KCNIP4: variants seen among roughly 807,000 people sequenced by gnomAD.
KCNIP4 encodes the protein potassium voltage-gated channel interacting protein 4, also known as Kv channel-interacting protein 4.
In KCNIP4, 12 loss-of-function variants were observed where a neutral mutation model predicts 34.0. The observed-to-expected ratio is 0.35, with a 90% CI of 0.23 to 0.57. The LOEUF (loss-of-function observed/expected upper bound fraction) is 0.57, where lower values mean the gene tolerates loss of function less well. KCNIP4 is among the 20% of genes least tolerant of loss of function. The pLI, the probability that KCNIP4 is intolerant of heterozygous loss-of-function variation, is 0.83. For missense variants in KCNIP4, 238 were observed against 311.7 expected (o/e 0.76, Z 1.78); for synonymous variants, 124 against 102.2 (o/e 1.21, Z -1.29).
intron 1 of KCNIP4, among the ~76,000 whole-genome samples, chr4:21,631,612 TA>T (rs1485315745): frequency 6.6e-6 from 1 of 152,154 alleles, no homozygotes; most frequent in African/African-American, 2.4e-5. Flanking sequence ...CTCCACGGTA[TA>T]AAAACCCTCT....
intron 1 of KCNIP4, among the ~76,000 whole-genome samples, chr4:21,553,703 A>G (rs1423635978): frequency 7.2e-6 from 1 of 138,284 alleles, no homozygotes; most frequent in East Asian, 2.4e-4. Context: ...GGTTGTTAGC[A>G]TAGTTAAAGG....
At chr4:21,701,250 G>A (rs1324047314) in intron 1 of KCNIP4, among the ~76,000 whole-genome samples, 4 of 152,192 alleles carry the variant, frequency 2.6e-5, no homozygotes, top group East Asian at 3.8e-4. Flanking sequence ...ACCAGAGGAT[G>A]AGAGGGAAGG....
At chr4:20,767,107 C>T (rs975926770) in intron 3 of KCNIP4, 7 of 152,158 alleles carry the variant, frequency 4.6e-5, no homozygotes, top group African/African-American at 1.4e-4. Flanking sequence ...AACTCCATCA[C>T]GCAATGAGTC....
At chr4:21,751,677 G>A (rs1342073030) in intron 1 of KCNIP4, among the ~76,000 whole-genome samples, 4 of 151,684 alleles carry the variant, frequency 2.6e-5, no homozygotes, top group African/African-American at 9.7e-5. Flanking sequence ...AGAGACATTT[G>A]TGCCTGCCAG....
intron 1 of KCNIP4, among the ~76,000 whole-genome samples, chr4:21,010,012 T>C (rs1240021779): frequency 1.3e-5 from 2 of 152,198 alleles, no homozygotes; most frequent in Non-Finnish European, 2.9e-5. Flanking sequence ...TGATGGCCAG[T>C]TTAGTCCCTG....
At position 21,750,137 on chromosome 4, in the gene KCNIP4, C is replaced by A. The variant is rs568191400; in HGVS notation, c.61+198434G>T. 1.8e-4 allele frequency among the ~76,000 whole-genome samples: 28 copies of A among 152,234 alleles called. No individual in the cohort carries two copies. The South Asian group carries it at 5.8e-3, about 32-fold the overall frequency. The stretch of plus-strand genomic sequence containing the variant: ...ATCCTCCTTTTGTCCTGGGTTTCCA[C>A]ATTGTAGACGCTGCCTGCCCATGAA... On this transcript the variant is annotated intron_variant, in intron 1 of 8. Coordinates refer to ENST00000382152, the MANE Select transcript of KCNIP4 (RefSeq NM_025221.6).
At position 20,730,142 on chromosome 4, in the gene KCNIP4, A is replaced by G. The variant is rs1747623140; in HGVS notation, c.706-13T>C. On this transcript the variant is annotated splice_polypyrimidine_tract_variant and intron_variant, in intron 8 of 8. Coordinates refer to ENST00000382152, the MANE Select transcript of KCNIP4 (RefSeq NM_025221.6). Reference sequence around the variant, plus strand: ...TTATGTTTTCATCCTGTAAGGGAGAAACACAGAGCGATTAAATTCAGCATA... The same window carrying G: ...TTATGTTTTCATCCTGTAAGGGAGAGACACAGAGCGATTAAATTCAGCATA... 1 of 1,598,614 alleles carries G rather than the reference A, an allele frequency of 6.3e-7. No homozygotes were observed. Among genetic ancestry groups the G allele is most frequent in the Admixed American group, 1.8e-5 (1 of 56,638 alleles).
At chr4:21,538,011 C>CAAAAAAAAAAAAAAAAAAAAA (rs71191517) in intron 1 of KCNIP4, among the ~76,000 whole-genome samples, 1 of 51,240 alleles carries the variant, frequency 2.0e-5, no homozygotes, top group African/African-American at 7.6e-5. Context: ...GATTCCGTCT[C>CAAAAAAAAAAAAAAAAAAAAA]AAAAAAAAAA....
chr4:21,073,219 CT>C (rs1745143517), intron 1 of KCNIP4, among the ~76,000 whole-genome samples: 1 of 152,104 alleles, frequency 6.6e-6, no homozygotes, highest in Non-Finnish European at 1.5e-5. Flanking sequence ...GGCATTGAAT[CT>C]ATAAATTACC....
intron 1 of KCNIP4, among the ~76,000 whole-genome samples, chr4:20,916,806 T>C (rs1728856765): frequency 6.6e-6 from 1 of 151,374 alleles, no homozygotes; most frequent in Admixed American, 6.6e-5. Context: ...GGAGGAACAT[T>C]TTTCTAATAA....
rs146451799 is a variant in KCNIP4, at chr4:21,076,909, G to A, written c.62-194200C>T. On this transcript the variant is annotated intron_variant, in intron 1 of 8. Coordinates refer to ENST00000382152, the MANE Select transcript of KCNIP4 (RefSeq NM_025221.6). ...AGGCCAAAGCAGGTGGATTGCCTAA[G>A]GTCAGGAGTTCGAGTCCAGTCTGGC... Among the ~76,000 whole-genome samples the A allele has an allele frequency of 2.6e-3, 392 of 152,234 alleles. 3 individuals are homozygous for A. Among genetic ancestry groups the A allele is most frequent in the African/African-American group, 8.7e-3 (360 of 41,542 alleles).
chr4:21,707,870 A>G (rs1293100439), intron 1 of KCNIP4, among the ~76,000 whole-genome samples: 1 of 151,758 alleles, frequency 6.6e-6, no homozygotes, highest in Non-Finnish European at 1.5e-5. Flanking sequence ...AAAAAGGATG[A>G]GACGTGTCCT....
intron 1 of KCNIP4, among the ~76,000 whole-genome samples, chr4:21,234,178 A>C (rs1197901496): frequency 9.7e-6 from 1 of 103,378 alleles, no homozygotes; most frequent in Non-Finnish European, 1.7e-5. Flanking sequence ...TATATAACAT[A>C]TATAACGTAT....
At chr4:21,839,306 T>C (rs1369992099) in intron 1 of KCNIP4, among the ~76,000 whole-genome samples, 3 of 152,200 alleles carry the variant, frequency 2.0e-5, no homozygotes, top group Non-Finnish European at 1.5e-5. Flanking sequence ...GATTTATTTG[T>C]ATTAAGGTTC....
chr4:21,800,060 C>A (rs972995191), intron 1 of KCNIP4, among the ~76,000 whole-genome samples: 3 of 152,210 alleles, frequency 2.0e-5, no homozygotes, highest in Admixed American at 6.5e-5. Context: ...ATATACAGCA[C>A]ACATCTTTGA....
chr4:20,839,454 C>A (rs994752751), intron 3 of KCNIP4, among the ~76,000 whole-genome samples: 35 of 148,640 alleles, frequency 2.4e-4, no homozygotes, highest in Non-Finnish European at 4.5e-4. Flanking sequence ...CTTCAAAAAG[C>A]AAGTAGATAT....
chr4:21,526,843 A>G (rs6848925), intron 1 of KCNIP4, among the ~76,000 whole-genome samples: 12,246 of 152,240 alleles, frequency 0.08, 517 homozygotes, highest in East Asian at 0.1. Context: ...ACTCATTGAA[A>G]CAACTCACTC....
chr4:21,911,249 A>G (rs1043850002), intron 1 of KCNIP4, among the ~76,000 whole-genome samples: 3 of 152,124 alleles, frequency 2.0e-5, no homozygotes, highest in Non-Finnish European at 4.4e-5. Flanking sequence ...AACCCCTAAC[A>G]TCTACTGCAA....
intron 1 of KCNIP4, among the ~76,000 whole-genome samples, chr4:21,149,353 C>A (rs1298034902): frequency 6.6e-6 from 1 of 152,146 alleles, no homozygotes; most frequent in Non-Finnish European, 1.5e-5. Flanking sequence ...AACCACATAA[C>A]TGGAGCTTTA....
Sources: allele counts gnomAD v4.1 joint callset (sites outside exome capture counted in the v4.1 genomes callset), GRCh38; gene constraint gnomAD v4.1.1; transcripts MANE v1.5; gene names NCBI Gene and HGNC (gene_info 2026-07-23, HGNC 2026-07-21).